The following ETNPPL variants were observed in gnomAD, a reference collection of about 807,000 sequenced individuals.
The protein encoded by ETNPPL is ethanolamine-phosphate phospho-lyase, also known as alanine--glyoxylate aminotransferase 2-like 1.
A neutral mutation model predicts 55.5 loss-of-function variants in ETNPPL; 30 were observed. That is an observed-to-expected ratio of 0.54 (90% CI 0.40 to 0.73). The LOEUF is 0.73. Ranked by LOEUF, ETNPPL falls within the 30% of genes least tolerant of loss-of-function variation. The pLI is 0.00. For synonymous variants in ETNPPL, 202 were observed against 207.2 expected (o/e 0.98, Z 0.21); for missense variants, 528 against 607.9 (o/e 0.87, Z 1.38).
intron 1 of ETNPPL, among the ~76,000 whole-genome samples, chr4:108,760,735 G>C (rs1252444014): frequency 6.6e-6 from 1 of 152,158 alleles, no homozygotes; most frequent in Admixed American, 6.5e-5. Flanking sequence ...CTATGAAAGA[G>C]AGGTTATTAT....
intron 1 of ETNPPL, among the ~76,000 whole-genome samples, chr4:108,761,349 C>A (rs1463958235): frequency 6.6e-6 from 1 of 152,018 alleles, no homozygotes; most frequent in East Asian, 1.9e-4. Flanking sequence ...CAGTAGGTAA[C>A]CTCAAATTTT....
intron 6 of ETNPPL, among the ~76,000 whole-genome samples, chr4:108,751,461 G>T (rs1020501427): frequency 6.6e-6 from 1 of 152,132 alleles, no homozygotes; most frequent in African/African-American, 2.4e-5. Flanking sequence ...GAAAGTGGCA[G>T]GGTGGTTTGT....
chr4:108,754,888 G>A (rs1397792805), intron 4 of ETNPPL, 178 bp from the exon 5 acceptor site: 5 of 545,242 alleles, frequency 9.2e-6, no homozygotes, highest in East Asian at 6.5e-5. Flanking sequence ...GGCCCTTAAT[G>A]TGTACAATTC....
intron 10 of ETNPPL, 74 bp downstream of exon 10, chr4:108,746,688 A>G (rs548357927): frequency 6.6e-7 from 1 of 1,514,256 alleles, no homozygotes; most frequent in African/African-American, 1.4e-5. Flanking sequence ...GATGGGAGGA[A>G]GTCAAGCAAG....
chr4:108,745,580 C>G (rs1728436909), intron 11 of ETNPPL, among the ~76,000 whole-genome samples: 1 of 149,498 alleles, frequency 6.7e-6, no homozygotes, highest in African/African-American at 2.5e-5. Flanking sequence ...GGTGACACAG[C>G]AAGACTCTGT....
chr4:108,748,421 C>T (rs1233377013), intron 8 of ETNPPL, among the ~76,000 whole-genome samples: 4 of 152,138 alleles, frequency 2.6e-5, no homozygotes, highest in African/African-American at 9.7e-5. Context: ...CTCATCCAAA[C>T]AAAAGCAGAC....
intron 4 of ETNPPL, among the ~76,000 whole-genome samples, chr4:108,755,435 G>A (rs1016028676): frequency 2.0e-5 from 3 of 152,178 alleles, no homozygotes; most frequent in Non-Finnish European, 4.4e-5. Context: ...CAATTGGGAA[G>A]GGCATGAAAT....
chr4:108,760,216 G>A lies in ETNPPL; in HGVS notation c.147C>T (p.Tyr49=), dbSNP rs1729445804. ...GGGCAACATTGTTGATGCAGTCCAA[G>A]TACTGTTCACCGTTCTCATCAAACA... ...QYMFDENGEQ[Y]LDCINNVAHV... Residue 49 remains tyrosine (Y), a synonymous_variant, in exon 2 of 13, where the codon TAC becomes TAT. Transcript: ENST00000296486. 8.7e-6 allele frequency: 14 copies of A among 1,609,316 alleles called. No individual in the cohort carries two copies. The highest frequency in any genetic ancestry group is 2.7e-5 in the African/African-American group (2 of 74,846).
intron 7 of ETNPPL, 47 bp downstream of exon 7, chr4:108,750,889 T>C (rs779870646): frequency 7.6e-7 from 1 of 1,315,800 alleles, no homozygotes; most frequent in African/African-American, 1.4e-5. Flanking sequence ...TACAGAATTG[T>C]CACAGTGCTC....
intron 3 of ETNPPL, among the ~76,000 whole-genome samples, chr4:108,759,121 T>C (rs767758813): frequency 2.6e-5 from 4 of 152,134 alleles, no homozygotes; most frequent in Non-Finnish European, 5.9e-5. Context: ...TTTCTTATGT[T>C]TGTATTGGGG....
At chr4:108,744,714 A>ATTT (rs1560647930) in intron 11 of ETNPPL, among the ~76,000 whole-genome samples, 4 of 132,638 alleles carry the variant, frequency 3.0e-5, no homozygotes, top group Admixed American at 7.1e-5. Context: ...GAGAAGTTGA[A>ATTT]ATTTTTTTTT....
At chr4:108,755,885 T>C (rs550419299) in intron 4 of ETNPPL, among the ~76,000 whole-genome samples, 2 of 152,344 alleles carry the variant, frequency 1.3e-5, no homozygotes, top group South Asian at 2.1e-4. Context: ...TGGTTTAAAA[T>C]GTAATAAATT....
chr4:108,749,012 T>C (rs1449172778), intron 8 of ETNPPL, among the ~76,000 whole-genome samples: 3 of 152,118 alleles, frequency 2.0e-5, no homozygotes, highest in Non-Finnish European at 2.9e-5. Context: ...TGTATACCTA[T>C]GTAACAAACC....
rs144013555 is a variant in ETNPPL, at chr4:108,742,516, G to A, written c.1468C>T (p.His490Tyr). ...TTGAGCCTCTTACTGAGCAGTGAAT[G>A]TGTATCCGTGCACATTCCATTTCTC... ...RKRNGMCTDT[H>Y]SLLSKRLKT Residue 490 changes from histidine to tyrosine, a missense_variant, in exon 13 of 13, where the codon CAT becomes TAT. Physicochemically the swap from His to Tyr is moderately conservative, Grantham distance 83. Transcript: ENST00000296486. The A allele has an allele frequency of 6.2e-5, 100 of 1,614,134 alleles. No individual in the cohort carries two copies. The African/African-American group carries it at 1.2e-3, about 19-fold the overall frequency.
rs1347635932 is a variant in ETNPPL at position 108,746,529 on chromosome 4, C to A, written c.1173G>T (p.Lys391Asn). The part of the protein sequence containing the change: ...ATAEAQHIIY[K>N]MKEKRVLLSA... ...TGAGAAGCACTCGTTTTTCTTTCAT[C>A]CTAATTTGTGTAGGAAATACATGTG... The change falls in exon 11 of 13, where the codon AAG (lysine) becomes AAT (asparagine). Residue 391 changes from lysine (K) to asparagine (N), a missense_variant and splice_region_variant. Physicochemically the swap from Lys to Asn is moderately conservative, Grantham distance 94. Coordinates refer to ENST00000296486, the MANE Select transcript of ETNPPL (RefSeq NM_031279.4). The A allele has an allele frequency of 5.0e-6, 8 of 1,611,794 alleles. No homozygotes were observed. The highest frequency in any genetic ancestry group is 5.9e-6 in the Non-Finnish European group (7 of 1,179,628).
chr4:108,745,443 C>T (rs375589691), intron 11 of ETNPPL, among the ~76,000 whole-genome samples: 85 of 151,232 alleles, frequency 5.6e-4, no homozygotes, highest in African/African-American at 2.0e-3. Flanking sequence ...AAAATACAAA[C>T]ATTAGCTGGG....
chr4:108,761,907 A>G (rs1436987011), intron 1 of ETNPPL, among the ~76,000 whole-genome samples: 1 of 152,220 alleles, frequency 6.6e-6, no homozygotes, highest in Non-Finnish European at 1.5e-5. Context: ...TTGTAACCCC[A>G]AGTGCTCTCT....
intron 3 of ETNPPL, among the ~76,000 whole-genome samples, chr4:108,758,006 CTTT>C (rs11307616): frequency 2.3e-4 from 27 of 116,672 alleles, no homozygotes; most frequent in Non-Finnish European, 2.7e-4. Context: ...ATATTTCTTT[CTTT>C]TTTTTTTTTT....
rs1162969046 is a variant in ETNPPL, at chr4:108,742,289, T to A, written c.*195A>T. On this transcript the variant is annotated 3_prime_UTR_variant, in exon 13 of 13. Transcript: ENST00000296486. ...AAATCAACTAAGAAAATTAACAGGC[T>A]AGAGTCTGAACTAATAATCTTGACA... 1 of 470,176 alleles carries A rather than the reference T, an allele frequency of 2.1e-6. No homozygotes were observed. The highest frequency in any genetic ancestry group is 1.9e-5 in the African/African-American group (1 of 51,854). The allele number at this position is 470,176 out of a possible 1,614,324, so 29.1% of individuals were successfully genotyped here. A position where few individuals can be genotyped will look rare whatever the true frequency, so the allele number is the denominator to read the frequency against.
Sources: gnomAD v4.1 joint callset for allele counts (sites outside exome capture counted in the v4.1 genomes callset) on GRCh38, gnomAD v4.1.1 for gene constraint, MANE v1.5 for transcripts, NCBI Gene and HGNC (gene_info 2026-07-23, HGNC 2026-07-21) for gene names.